RBFOX1: variants seen among roughly 807,000 people sequenced by gnomAD.
RBFOX1 encodes the protein RNA binding protein fox-1 homolog 1.
RBFOX1 carries 8 observed loss-of-function variants against 57.7 expected under a neutral mutation model. The observed-to-expected ratio is 0.14, with a 90% CI of 0.08 to 0.25. The LOEUF is 0.25. Ranked by LOEUF, RBFOX1 falls within the 10% of genes least tolerant of loss-of-function variation. The pLI, the probability that RBFOX1 is intolerant of heterozygous loss-of-function variation, is 1.00. For synonymous variants in RBFOX1, 326 were observed against 222.4 expected (o/e 1.47, Z -4.15); for missense variants, 611 against 548.5 (o/e 1.11, Z -1.14).
chr16:5,390,801 T>G (rs1320997906), intron 1 of RBFOX1, among the ~76,000 whole-genome samples: 3 of 152,148 alleles, frequency 2.0e-5, no homozygotes, highest in African/African-American at 7.2e-5. Flanking sequence ...CTGACTCGTC[T>G]CCTCACTGGG....
chr16:5,901,206 G>A (rs1313996273), intron 4 of RBFOX1, among the ~76,000 whole-genome samples: 1 of 152,078 alleles, frequency 6.6e-6, no homozygotes, highest in Non-Finnish European at 1.5e-5. Flanking sequence ...CTGTATGTGG[G>A]GGCTACTTCT....
intron 1 of RBFOX1, among the ~76,000 whole-genome samples, chr16:6,030,372 G>C (rs542259786): frequency 5.9e-5 from 9 of 152,310 alleles, no homozygotes; most frequent in African/African-American, 1.9e-4. Context: ...TTTTCACAAA[G>C]CCTGCCAGGA....
chr16:5,807,748 C>T (rs1465763520), intron 3 of RBFOX1, among the ~76,000 whole-genome samples: 5 of 152,132 alleles, frequency 3.3e-5, no homozygotes, highest in African/African-American at 1.2e-4. Flanking sequence ...CAAGAAGGAG[C>T]TGGGAATCTT....
intron 3 of RBFOX1, among the ~76,000 whole-genome samples, chr16:7,049,084 A>T (rs577605145): frequency 6.6e-6 from 1 of 152,308 alleles, no homozygotes; most frequent in South Asian, 2.1e-4. Flanking sequence ...GCAGGAGTTT[A>T]TAAAAATACT....
intron 3 of RBFOX1, among the ~76,000 whole-genome samples, chr16:6,970,947 C>T (rs1044233586): frequency 6.6e-6 from 1 of 152,192 alleles, no homozygotes; most frequent in Non-Finnish European, 1.5e-5. Flanking sequence ...CACACAGGTG[C>T]ACGTGCATAC....
chr16:6,052,756 C>A (rs1382353122), intron 1 of RBFOX1, among the ~76,000 whole-genome samples: 1 of 150,822 alleles, frequency 6.6e-6, no homozygotes, highest in Non-Finnish European at 1.5e-5. Context: ...TGCACTCCAG[C>A]CTGGGAGACA....
chr16:6,531,802 G>C, intron 2 of RBFOX1, among the ~76,000 whole-genome samples: 1 of 152,108 alleles, frequency 6.6e-6, no homozygotes, highest in African/African-American at 2.4e-5. Flanking sequence ...CCCAATTTAC[G>C]AAGGAGTGAA....
At chr16:6,625,157 TAAAAAAAAAAAAAAA>T (rs34634402) in intron 2 of RBFOX1, among the ~76,000 whole-genome samples, 2 of 56,326 alleles carry the variant, frequency 3.6e-5, no homozygotes, top group Non-Finnish European at 3.0e-5. Context: ...CAACCCTATC[TAAAAAAAAAAAAAAA>T]AAAAAAAAAA....
intron 4 of RBFOX1, among the ~76,000 whole-genome samples, chr16:7,135,902 C>G (rs1236157977): frequency 6.6e-6 from 1 of 152,220 alleles, no homozygotes; most frequent in East Asian, 1.9e-4. Flanking sequence ...TTGCATCTGG[C>G]ACACAGGTTC....
At chr16:7,028,584 TCACACA>T (rs59540999) in intron 3 of RBFOX1, among the ~76,000 whole-genome samples, 47 of 55,074 alleles carry the variant, frequency 8.5e-4, no homozygotes, top group East Asian at 3.1e-3. Flanking sequence ...TGAAACTCCC[TCACACA>T]CACACACACA....
intron 3 of RBFOX1, among the ~76,000 whole-genome samples, chr16:6,728,329 GA>G (rs1282309871): frequency 4.0e-5 from 6 of 151,588 alleles, no homozygotes; most frequent in African/African-American, 1.2e-4. Flanking sequence ...AACGTAACTT[GA>G]GCAAATTTCT....
rs578123149 is a variant in RBFOX1, at chr16:5,741,297, C to A, written c.319-126006C>A. Among the ~76,000 whole-genome samples, 3 of 152,314 alleles carry A rather than the reference C, an allele frequency of 2.0e-5. No individual in the cohort carries two copies. The East Asian group carries it at 5.8e-4, about 30-fold the overall frequency. ...AGGAGTCATAAGGCCGCAAGCCCAT[C>A]AATCCTGTCACTTTCCAAGGACCAT... On this transcript the variant is annotated intron_variant, in intron 3 of 19. Coordinates refer to the RBFOX1 transcript ENST00000641259.
intron 3 of RBFOX1, among the ~76,000 whole-genome samples, chr16:6,848,703 GAGATAAT>G (rs1279727235): frequency 1.3e-5 from 2 of 152,088 alleles, no homozygotes; most frequent in East Asian, 3.9e-4. Context: ...GATGGAATGA[GAGATAAT>G]AGATGGATAA....
intron 4 of RBFOX1, among the ~76,000 whole-genome samples, chr16:7,499,216 C>T (rs1232393561): frequency 6.6e-6 from 1 of 152,140 alleles, no homozygotes; most frequent in Non-Finnish European, 1.5e-5. Flanking sequence ...TGCTGCTCTC[C>T]TATCTTCTGG....
intron 3 of RBFOX1, among the ~76,000 whole-genome samples, chr16:6,808,122 C>T (rs2087377683): frequency 7.2e-6 from 1 of 138,672 alleles, no homozygotes; most frequent in Admixed American, 7.3e-5. Context: ...TAGCAATATG[C>T]ATAGAACTAT....
intron 3 of RBFOX1, among the ~76,000 whole-genome samples, chr16:6,869,254 G>T (rs1221940639): frequency 7.9e-5 from 12 of 152,078 alleles, no homozygotes; most frequent in Non-Finnish European, 1.2e-4. Context: ...AAAGTGCTTG[G>T]TGTCAATATG....
intron 3 of RBFOX1, among the ~76,000 whole-genome samples, chr16:6,680,364 G>A (rs893040985): frequency 4.9e-5 from 7 of 144,124 alleles, no homozygotes; most frequent in African/African-American, 7.7e-5. Context: ...CCGGGTTCAC[G>A]CCATTCTCCT....
intron 13 of RBFOX1, among the ~76,000 whole-genome samples, chr16:7,666,551 C>T (rs1244599448): frequency 6.6e-6 from 1 of 152,028 alleles, no homozygotes; most frequent in African/African-American, 2.4e-5. Flanking sequence ...TCTTCTTGGC[C>T]TCAGATTCTT....
chr16:5,975,716 A>G (rs1178433832), intron 4 of RBFOX1, among the ~76,000 whole-genome samples: 4 of 152,152 alleles, frequency 2.6e-5, no homozygotes, highest in African/African-American at 4.8e-5. Context: ...CTTAATGTCA[A>G]AATGCTTGGG....
Sources: gnomAD v4.1 joint callset for allele counts (sites outside exome capture counted in the v4.1 genomes callset) on GRCh38, gnomAD v4.1.1 for gene constraint, MANE v1.5 for transcripts, NCBI Gene and HGNC (gene_info 2026-07-23, HGNC 2026-07-21) for gene names.